The following AVL9 variants were observed in gnomAD, a reference collection of about 807,000 sequenced individuals.
AVL9 encodes late secretory pathway protein AVL9 homolog.
In AVL9, 49 loss-of-function variants were observed where a neutral mutation model predicts 79.2. The ratio of observed to expected loss-of-function variants is 0.62; its 90% CI spans 0.49 to 0.79. The LOEUF (loss-of-function observed/expected upper bound fraction) is 0.79. Among genes scored for constraint, AVL9 ranks in the 30% least tolerant of loss-of-function variants. The pLI is 0.00. For missense variants in AVL9, 682 were observed against 776.8 expected (o/e 0.88, Z 1.45); for synonymous variants, 299 against 280.6 (o/e 1.07, Z -0.65).
intron 6 of AVL9, among the ~76,000 whole-genome samples, chr7:32,552,922 T>A (rs1789898906): frequency 6.6e-6 from 1 of 152,086 alleles, no homozygotes; most frequent in South Asian, 2.1e-4. Flanking sequence ...ATTCTTCAGG[T>A]TAGGGATTTT....
chr7:32,502,369 G>A (rs1306173192), intron 1 of AVL9, among the ~76,000 whole-genome samples: 3 of 132,260 alleles, frequency 2.3e-5, no homozygotes, highest in Non-Finnish European at 4.6e-5. Flanking sequence ...CTCCAGCCTG[G>A]GTGAGAGAGT....
In AVL9 at chr7:32,551,038, C is replaced by T. The variant is rs1397803077; in HGVS notation, c.373-296C>T. Among the ~76,000 whole-genome samples, 11 of 152,190 alleles carry T rather than the reference C, an allele frequency of 7.2e-5. No homozygotes were observed. In the South Asian group the frequency reaches 2.1e-3, roughly 29 times the overall value. ...TTTCATATGCCCATGTTCAGATCAGCAAGCAGAGGTGGAGAGGTTAAATTC... is the reference window on the plus strand; with the variant it reads ...TTTCATATGCCCATGTTCAGATCAGTAAGCAGAGGTGGAGAGGTTAAATTC... On this transcript the variant is annotated intron_variant, in intron 4 of 15. Transcript: ENST00000318709.
At chr7:32,506,010 A>G (rs890760596) in intron 1 of AVL9, among the ~76,000 whole-genome samples, 3 of 152,126 alleles carry the variant, frequency 2.0e-5, no homozygotes, top group African/African-American at 7.2e-5. Context: ...GTTATGAACT[A>G]TTTTTAAAAA....
chr7:32,572,297 A>G (rs1197704560), intron 11 of AVL9, among the ~76,000 whole-genome samples: 3 of 151,448 alleles, frequency 2.0e-5, no homozygotes, highest in Admixed American at 6.6e-5. Context: ...ATTTATTATA[A>G]TCCCAAATTT....
At position 32,558,721 on chromosome 7, in the gene AVL9, G is replaced by T. The variant is rs561600056; in HGVS notation, c.679+93G>T. 664 of 1,181,434 alleles carry T rather than the reference G, an allele frequency of 5.6e-4. 5 individuals are homozygous for T. The South Asian group carries it at 9.3e-3, about 17-fold the overall frequency. 73.2% of individuals were successfully genotyped at this position (1,181,434 alleles called of 1,614,324 possible). ...AAAGTTTCAAAGATAAATTCGTTAG[G>T]GTTATCCTTTCTATTTTAATATGAC... On this transcript the variant is annotated intron_variant, in intron 9 of 15. Transcript: ENST00000318709.
At chr7:32,537,068 A>G (rs1788946089) in intron 1 of AVL9, 1 of 152,150 alleles carries the variant, frequency 6.6e-6, no homozygotes, top group Admixed American at 6.5e-5. Flanking sequence ...GATAGAATTC[A>G]ATCTCCAACA....
intron 1 of AVL9, among the ~76,000 whole-genome samples, chr7:32,528,435 A>T (rs1299354698): frequency 6.6e-6 from 1 of 152,182 alleles, no homozygotes; most frequent in Non-Finnish European, 1.5e-5. Flanking sequence ...TACAGCTTCT[A>T]ACTCATTGAG....
chr7:32,519,600 T>C (rs1421880903), intron 1 of AVL9, among the ~76,000 whole-genome samples: 1 of 151,900 alleles, frequency 6.6e-6, no homozygotes, highest in African/African-American at 2.4e-5. Flanking sequence ...GTAACCTTGA[T>C]TTTTTTCACT....
At chr7:32,531,816 G>T (rs74973343) in intron 1 of AVL9, 2,656 of 156,212 alleles carry the variant, frequency 0.017, 75 homozygotes, top group African/African-American at 0.06. Context: ...TGCAGGCCCT[G>T]CAGCAACATC....
rs3080635 is a variant in AVL9, at chr7:32,572,801, C to CAAAAAAAAAAAAAAAA, written c.1351-397_1351-382dup. On this transcript the variant is annotated intron_variant, in intron 11 of 15. Coordinates refer to ENST00000318709, the MANE Select transcript of AVL9 (RefSeq NM_015060.3). ...TGGGCGACAGAGCAAGACTCCGTCT[C>CAAAAAAAAAAAAAAAA]AAAAAAAAAAAAAAAAGAATATTCT... is the stretch of plus-strand genomic sequence containing the variant. Among the ~76,000 whole-genome samples, 44 of 93,400 alleles carry CAAAAAAAAAAAAAAAA rather than the reference C, an allele frequency of 4.7e-4. 1 individual carries two copies. The highest frequency in any genetic ancestry group is 2.6e-3 in the South Asian group (6 of 2,278). 61.3% of individuals were successfully genotyped at this position (93,400 alleles called of 152,430 possible).
chr7:32,560,677 G>A (rs185355540), intron 10 of AVL9, among the ~76,000 whole-genome samples: 3 of 152,298 alleles, frequency 2.0e-5, no homozygotes, highest in East Asian at 1.9e-4. Context: ...AATCACAGAT[G>A]TTCTTAATGG....
intron 10 of AVL9, among the ~76,000 whole-genome samples, chr7:32,561,598 T>G (rs1227182003): frequency 6.6e-6 from 1 of 152,260 alleles, no homozygotes; most frequent in Non-Finnish European, 1.5e-5. Context: ...GCAATAAGGC[T>G]GTTGTTTCAC....
intron 1 of AVL9, among the ~76,000 whole-genome samples, chr7:32,528,642 G>A (rs1170891787): frequency 6.6e-6 from 1 of 151,964 alleles, no homozygotes; most frequent in African/African-American, 2.4e-5. Flanking sequence ...CTTTTTTTCA[G>A]AAAAGAAACT....
At chr7:32,500,183 A>G (rs1318516106) in intron 1 of AVL9, among the ~76,000 whole-genome samples, 7 of 152,208 alleles carry the variant, frequency 4.6e-5, no homozygotes, top group African/African-American at 1.4e-4. Context: ...GTCTTCCACA[A>G]TGATTGAACT....
At chr7:32,527,786 T>C (rs951710471) in intron 1 of AVL9, among the ~76,000 whole-genome samples, 7 of 152,170 alleles carry the variant, frequency 4.6e-5, no homozygotes, top group African/African-American at 1.7e-4. Context: ...AGTGAGAGAA[T>C]GTAAACCAAA....
Position 32,544,795 on chromosome 7 carries a change from G to C in AVL9, c.300+16G>C, listed in dbSNP as rs201934243. On this transcript the variant is annotated intron_variant, in intron 3 of 15. Transcript: ENST00000318709. ...TGAAGCCAAGGTACGATAGTTAATA[G>C]TGAAAAACAATTCCAAAGTCCCTTC... The C allele has an allele frequency of 1.1e-5, 18 of 1,594,246 alleles. No homozygotes were observed. The highest frequency in any genetic ancestry group is 1.5e-5 in the Non-Finnish European group (18 of 1,163,600).
rs1277763755 is a variant in AVL9 at position 32,495,540 on chromosome 7, G to T, written c.-170G>T. 3 of 410,356 alleles carry T rather than the reference G, an allele frequency of 7.3e-6. No individual in the cohort carries two copies. The highest frequency in any genetic ancestry group is 8.6e-6 in the Non-Finnish European group (2 of 232,276). The allele number at this position is 410,356 out of a possible 1,614,324, so 25.4% of individuals were successfully genotyped here. A position where few individuals can be genotyped will look rare whatever the true frequency, so the allele number is the denominator to read the frequency against. ...GGAAGCGGATGAGGGAAGGGCGGCC[G>T]TGGCCCTGGGGGCGGCGGGAGCTGC... On this transcript the variant is annotated 5_prime_UTR_variant, in exon 1 of 16. Transcript: ENST00000318709.
chr7:32,548,186 C>G (rs1326062552), intron 3 of AVL9, among the ~76,000 whole-genome samples: 1 of 38,134 alleles, frequency 2.6e-5, no homozygotes, highest in African/African-American at 7.2e-5. Context: ...CTCACTCTTT[C>G]GCCCAGGCTG....
intron 1 of AVL9, chr7:32,534,960 G>A (rs9986832): frequency 0.36 from 54,799 of 151,890 alleles, 10,451 homozygotes; most frequent in African/African-American, 0.47. Flanking sequence ...ACAAATAAAT[G>A]AAAGTTTCCA....
Sources: gnomAD v4.1 joint callset for allele counts (sites outside exome capture counted in the v4.1 genomes callset) on GRCh38, gnomAD v4.1.1 for gene constraint, MANE v1.5 for transcripts, NCBI Gene and HGNC (gene_info 2026-07-23, HGNC 2026-07-21) for gene names.